SNTB1: variants seen among roughly 807,000 people sequenced by gnomAD.
SNTB1 encodes the protein syntrophin beta 1.
SNTB1 carries 36 observed loss-of-function variants against 48.9 expected under a neutral mutation model. That is an observed-to-expected ratio of 0.74 (90% CI 0.56 to 0.97). The LOEUF (loss-of-function observed/expected upper bound fraction) is 0.97. Ranked by LOEUF, SNTB1 falls within the 50% of genes least tolerant of loss-of-function variation. The probability of loss-of-function intolerance (pLI) is 0.00; values close to 1 mark genes in which losing one functional copy is unlikely to be tolerated. For missense variants in SNTB1, 786 were observed against 703.4 expected (o/e 1.12, Z -1.33); for synonymous variants, 299 against 294.6 (o/e 1.01, Z -0.15).
At chr8:120,779,480 C>T (rs759717572) in intron 1 of SNTB1, among the ~76,000 whole-genome samples, 19 of 151,686 alleles carry the variant, frequency 1.3e-4, no homozygotes, top group Non-Finnish European at 1.8e-4. Context: ...TCCAGCCTGG[C>T]AACAGAGTGA....
At chr8:120,760,492 C>A (rs941433161) in intron 1 of SNTB1, among the ~76,000 whole-genome samples, 2 of 152,004 alleles carry the variant, frequency 1.3e-5, no homozygotes, top group African/African-American at 2.4e-5. Context: ...TACTGGAGAC[C>A]GAGCCTGGCC....
chr8:120,693,099 G>C (rs757989012), intron 2 of SNTB1, among the ~76,000 whole-genome samples: 1 of 152,084 alleles, frequency 6.6e-6, no homozygotes, highest in Non-Finnish European at 1.5e-5. Flanking sequence ...AGAGCAGGGA[G>C]GTATTTCATG....
intron 2 of SNTB1, among the ~76,000 whole-genome samples, chr8:120,691,031 G>C (rs2129853597): frequency 6.7e-6 from 1 of 150,212 alleles, no homozygotes; most frequent in South Asian, 2.1e-4. Flanking sequence ...AATCGTCAAT[G>C]GTGGACTTGA....
chr8:120,586,810 C>G (rs1161040564), intron 3 of SNTB1, among the ~76,000 whole-genome samples: 2 of 152,136 alleles, frequency 1.3e-5, no homozygotes, highest in African/African-American at 4.8e-5. Flanking sequence ...CTTTAAAATC[C>G]CTCCCTTGTC....
chr8:120,583,716 A>G (rs1005063159), intron 3 of SNTB1, among the ~76,000 whole-genome samples: 1 of 152,196 alleles, frequency 6.6e-6, no homozygotes, highest in Non-Finnish European at 1.5e-5. Context: ...AGAAAATGGA[A>G]GAGTAGGGAT....
intron 3 of SNTB1, among the ~76,000 whole-genome samples, chr8:120,582,839 A>G (rs1816071927): frequency 6.6e-6 from 1 of 152,190 alleles, no homozygotes. Context: ...TAATGGGTTG[A>G]TAGGTGCAGC....
rs189614636 is a variant in SNTB1, at chr8:120,661,805, T to C, written c.789-29154A>G. Among the ~76,000 whole-genome samples the C allele has an allele frequency of 7.1e-4, 108 of 152,340 alleles. 3 individuals carry two copies. In the East Asian group the frequency reaches 0.018, roughly 25 times the overall value. On this transcript the variant is annotated intron_variant, in intron 2 of 6. Coordinates refer to ENST00000517992, the MANE Select transcript of SNTB1 (RefSeq NM_021021.4). ...GGATGATGGCTTCCAGCTTCATCCATGTCCCTGCAAAGGACATGAACTCAT... is the reference window on the plus strand; with the variant it reads ...GGATGATGGCTTCCAGCTTCATCCACGTCCCTGCAAAGGACATGAACTCAT...
chr8:120,634,724 C>T (rs553233768), intron 2 of SNTB1, among the ~76,000 whole-genome samples: 1 of 152,110 alleles, frequency 6.6e-6, no homozygotes, highest in Non-Finnish European at 1.5e-5. Flanking sequence ...TGCAACTTGG[C>T]CTTGTTAACA....
At chr8:120,557,374 C>T (rs1046423078) in intron 4 of SNTB1, among the ~76,000 whole-genome samples, 1 of 152,176 alleles carries the variant, frequency 6.6e-6, no homozygotes, top group Non-Finnish European at 1.5e-5. Flanking sequence ...TGTCTTGCTT[C>T]TTGGAAGCCA....
At chr8:120,693,969 G>T in intron 1 of SNTB1, 61 bp from the exon 2 acceptor site, 1 of 1,314,162 alleles carries the variant, frequency 7.6e-7, no homozygotes, top group Non-Finnish European at 1.1e-6. Flanking sequence ...TGGGAAGTCT[G>T]ATTGTGTTTC....
At chr8:120,553,843 T>C (rs1033049286) in intron 4 of SNTB1, among the ~76,000 whole-genome samples, 21 of 152,022 alleles carry the variant, frequency 1.4e-4, no homozygotes, top group Non-Finnish European at 1.5e-5. Context: ...ACTAAAAATA[T>C]AAAACTTAGC....
intron 1 of SNTB1, among the ~76,000 whole-genome samples, chr8:120,730,378 G>A (rs1818831308): frequency 6.6e-6 from 1 of 152,000 alleles, no homozygotes; most frequent in East Asian, 1.9e-4. Context: ...TAGTAGAGTA[G>A]GGTTTCGCCA....
chr8:120,792,959 A>G (rs1459477798), intron 1 of SNTB1, among the ~76,000 whole-genome samples: 1 of 152,070 alleles, frequency 6.6e-6, no homozygotes, highest in Non-Finnish European at 1.5e-5. Flanking sequence ...CCACTGGAAG[A>G]AAAGAAAAGA....
intron 1 of SNTB1, among the ~76,000 whole-genome samples, chr8:120,731,653 C>A (rs1468525580): frequency 6.6e-6 from 1 of 152,182 alleles, no homozygotes; most frequent in Non-Finnish European, 1.5e-5. Context: ...GCTCATTTTA[C>A]ATGGCAGGGG....
intron 4 of SNTB1, among the ~76,000 whole-genome samples, chr8:120,559,926 A>G (rs993536520): frequency 1.2e-3 from 134 of 108,704 alleles, no homozygotes; most frequent in African/African-American, 4.2e-3. Context: ...GCCACAATGC[A>G]AGCCACAAAA....
intron 2 of SNTB1, among the ~76,000 whole-genome samples, chr8:120,649,622 TTGTC>T (rs1817370855): frequency 6.9e-6 from 1 of 145,840 alleles, no homozygotes; most frequent in Non-Finnish European, 1.5e-5. Context: ...GTCTTTTTGT[TTGTC>T]TGTGCCCTGC....
chr8:120,625,551 AG>A (rs1186517926), intron 3 of SNTB1, among the ~76,000 whole-genome samples: 2 of 152,220 alleles, frequency 1.3e-5, no homozygotes, highest in African/African-American at 4.8e-5. Context: ...GTTTCATTTG[AG>A]AGAATAGATG....
chr8:120,649,848 G>C (rs1172993279), intron 2 of SNTB1, among the ~76,000 whole-genome samples: 1 of 152,008 alleles, frequency 6.6e-6, no homozygotes, highest in Admixed American at 6.6e-5. Context: ...CTCTGAGCCA[G>C]GTGTGGGATA....
At chr8:120,602,317 G>A (rs1206238835) in intron 3 of SNTB1, among the ~76,000 whole-genome samples, 3 of 152,176 alleles carry the variant, frequency 2.0e-5, no homozygotes, top group Non-Finnish European at 2.9e-5. Context: ...GCTAGGCTAT[G>A]GTATGCCACT....
Sources: allele counts gnomAD v4.1 joint callset (sites outside exome capture counted in the v4.1 genomes callset), GRCh38; gene constraint gnomAD v4.1.1; transcripts MANE v1.5; gene names NCBI Gene and HGNC (gene_info 2026-07-23, HGNC 2026-07-21).